Variants in GSR observed in about 807,000 individuals in gnomAD.
The protein encoded by GSR is glutathione reductase, mitochondrial.
Under a neutral mutation model 56.5 loss-of-function variants are expected in GSR, and 48 were observed. That is an observed-to-expected ratio of 0.85 (90% CI 0.67 to 1.08). GSR has a LOEUF of 1.08. Ranked by LOEUF, GSR falls within the 50% of genes least tolerant of loss-of-function variation. The probability of loss-of-function intolerance (pLI) is 0.00; values close to 1 mark genes in which losing one functional copy is unlikely to be tolerated. For missense variants in GSR, 694 were observed against 703.3 expected, an observed-to-expected ratio of 0.99 and a Z score of 0.15; for synonymous variants, 264 against 270.8, an observed-to-expected ratio of 0.97 and a Z score of 0.25.
intron 7 of GSR, among the ~76,000 whole-genome samples, chr8:30,694,790 T>C (rs2128742042): frequency 6.6e-6 from 1 of 150,756 alleles, no homozygotes; most frequent in South Asian, 2.1e-4. Flanking sequence ...TCCTGGCTAT[T>C]TGGGAGGCTG....
At chr8:30,717,639 A>T (rs1333027891) in intron 1 of GSR, among the ~76,000 whole-genome samples, 1 of 152,120 alleles carries the variant, frequency 6.6e-6, no homozygotes, top group Non-Finnish European at 1.5e-5. Context: ...ACTCCTTATG[A>T]GAATCTAATT....
chr8:30,679,318 C>T lies in GSR; in HGVS notation c.*202G>A. On this transcript the variant is annotated 3_prime_UTR_variant, in exon 13 of 13. Transcript: ENST00000221130. ...AATATTAATTACTGTGAGATGTGAT[C>T]AAATGAAAATCAATCCTGGATAACA... 1 of 598,772 alleles carries T rather than the reference C, an allele frequency of 1.7e-6. No homozygotes were observed. The highest frequency in any genetic ancestry group is 2.9e-6 in the Non-Finnish European group (1 of 339,890). The allele number at this position is 598,772 out of a possible 1,614,324, so 37.1% of individuals were successfully genotyped here.
At chr8:30,691,908 G>C (rs1803390013) in intron 8 of GSR, among the ~76,000 whole-genome samples, 1 of 151,712 alleles carries the variant, frequency 6.6e-6, no homozygotes, top group Non-Finnish European at 1.5e-5. Flanking sequence ...AGACCAGCCT[G>C]GCCAACATGG....
chr8:30,680,858 T>C lies in GSR; in HGVS notation c.1419+46A>G, dbSNP rs8191034. ...CACCCCTGCAAAATACTGCCATCCCTGTCCATTTTGCAAGGCACTATTTAG... is the reference window on the plus strand; with the variant it reads ...CACCCCTGCAAAATACTGCCATCCCCGTCCATTTTGCAAGGCACTATTTAG... On this transcript the variant is annotated intron_variant, in intron 12 of 12. Transcript: ENST00000221130. 58 of 1,580,976 alleles carry C rather than the reference T, an allele frequency of 3.7e-5. No individual in the cohort carries two copies. The African/African-American group carries it at 7.7e-4, about 21-fold the overall frequency.
At chr8:30,691,812 T>A (rs1248420845) in intron 8 of GSR, among the ~76,000 whole-genome samples, 1 of 151,812 alleles carries the variant, frequency 6.6e-6, no homozygotes, top group Non-Finnish European at 1.5e-5. Flanking sequence ...ATTTAAAAAA[T>A]CAGGGGCCGG....
chr8:30,698,013 G>A (rs1257813304), intron 6 of GSR, among the ~76,000 whole-genome samples: 1 of 152,104 alleles, frequency 6.6e-6, no homozygotes, highest in African/African-American at 2.4e-5. Flanking sequence ...TCTTTCAGGC[G>A]GCTGAATCCC....
chr8:30,696,558 G>A (rs529262620), intron 6 of GSR, 79 bp from the exon 7 acceptor site: 1 of 944,258 alleles, frequency 1.1e-6, no homozygotes, highest in African/African-American at 1.6e-5. Context: ...AAGTTGCAGA[G>A]ATAGTACAGA....
chr8:30,720,204 C>T (rs1346707551), intron 1 of GSR, among the ~76,000 whole-genome samples: 3 of 151,972 alleles, frequency 2.0e-5, no homozygotes, highest in Non-Finnish European at 4.4e-5. Flanking sequence ...CAGAGCAAGA[C>T]CCTGTCTCAA....
At chr8:30,702,419 C>T (rs1803776081) in intron 5 of GSR, among the ~76,000 whole-genome samples, 1 of 152,182 alleles carries the variant, frequency 6.6e-6, no homozygotes, top group Non-Finnish European at 1.5e-5. Flanking sequence ...TAAGTCTCTA[C>T]TTAAAAGAGA....
chr8:30,703,910 C>T (rs1316562094), intron 4 of GSR, among the ~76,000 whole-genome samples: 1 of 152,060 alleles, frequency 6.6e-6, no homozygotes, highest in Non-Finnish European at 1.5e-5. Flanking sequence ...AAAGTGCTAA[C>T]TTGGGCCAAA....
Position 30,712,091 on chromosome 8 carries a change from G to GAA in GSR, c.307-4_307-3insTT. ...TTGGGTACACATCCAACATTCACCT[G>GAA]GAAAAAAAAAAAAGAGACACACTTT... is the stretch of plus-strand genomic sequence containing the variant. On this transcript the variant is annotated splice_region_variant and splice_polypyrimidine_tract_variant and intron_variant, in intron 1 of 12. Coordinates refer to ENST00000221130, the MANE Select transcript of GSR (RefSeq NM_000637.5). The GAA allele has an allele frequency of 7.0e-7, 1 of 1,419,850 alleles. No individual in the cohort carries two copies. The highest frequency in any genetic ancestry group is 9.8e-7 in the Non-Finnish European group (1 of 1,020,208). The allele number at this position is 1,419,850 out of a possible 1,614,324, so 88.0% of individuals were successfully genotyped here.
chr8:30,718,494 G>A (rs573747217), intron 1 of GSR, among the ~76,000 whole-genome samples: 1 of 152,294 alleles, frequency 6.6e-6, no homozygotes, highest in South Asian at 2.1e-4. Context: ...TGATACCTCT[G>A]AATTATTTCT....
At chr8:30,686,785 A>G (rs1030500854) in intron 9 of GSR, among the ~76,000 whole-genome samples, 2 of 152,072 alleles carry the variant, frequency 1.3e-5, no homozygotes, top group Non-Finnish European at 2.9e-5. Flanking sequence ...TTGAAAGGTG[A>G]AAAGCTGAAT....
chr8:30,695,064 TAA>T (rs879638524), intron 7 of GSR, among the ~76,000 whole-genome samples: 1 of 144,956 alleles, frequency 6.9e-6, no homozygotes. Context: ...CTCTGTCTCT[TAA>T]AAAAAAAAAA....
At chr8:30,693,773 C>A (rs1250084045) in intron 7 of GSR, among the ~76,000 whole-genome samples, 2 of 152,166 alleles carry the variant, frequency 1.3e-5, no homozygotes, top group African/African-American at 4.8e-5. Context: ...AGGTGATCCG[C>A]CCACCTAGGC....
At chr8:30,702,212 C>G (rs531834212) in intron 5 of GSR, among the ~76,000 whole-genome samples, 4 of 151,180 alleles carry the variant, frequency 2.6e-5, no homozygotes, top group Admixed American at 2.0e-4. Context: ...CCCAGCTACT[C>G]GGGAGTCTGA....
chr8:30,722,759 G>A, intron 1 of GSR, among the ~76,000 whole-genome samples: 1 of 145,900 alleles, frequency 6.9e-6, no homozygotes, highest in East Asian at 2.0e-4. Context: ...AAAAAAGCAT[G>A]TCCAGTGTTC....
Position 30,679,621 on chromosome 8 carries a change from C to T in GSR, c.1468G>A (p.Gly490Ser), listed in dbSNP as rs370972792. ...CCCATCTTCACTGCAACAGCAAAAC[C>T]CTGCAGCATTTCATCACACCCAAGT... Reference protein sequence around the residue: ...QGLGCDEMLQGFAVAVKMGAT... With the variant: ...QGLGCDEMLQSFAVAVKMGAT... The change falls in exon 13 of 13, where the codon GGT (glycine) becomes AGT (serine). Residue 490 changes from glycine to serine, a missense_variant. Physicochemically the swap from Gly to Ser is moderately conservative, Grantham distance 56. Transcript: ENST00000221130. The T allele has an allele frequency of 2.5e-6, 4 of 1,613,890 alleles. No individual in the cohort carries two copies. The highest frequency in any genetic ancestry group is 3.4e-6 in the Non-Finnish European group (4 of 1,179,846).
At chr8:30,707,025 C>T (rs1440889880) in intron 4 of GSR, 1 of 152,172 alleles carries the variant, frequency 6.6e-6, no homozygotes, top group African/African-American at 2.4e-5. Flanking sequence ...ATCCCAGCTG[C>T]TTGGGAGGCT....
Sources: gnomAD v4.1 joint callset for allele counts (sites outside exome capture counted in the v4.1 genomes callset) on GRCh38, gnomAD v4.1.1 for gene constraint, MANE v1.5 for transcripts, NCBI Gene and HGNC (gene_info 2026-07-23, HGNC 2026-07-21) for gene names.